BCAT1: variants seen among roughly 807,000 people sequenced by gnomAD.
BCAT1 encodes branched chain amino acid transaminase 1.
In BCAT1, 48 loss-of-function variants were observed where a neutral mutation model predicts 52.4. The ratio of observed to expected loss-of-function variants is 0.92; its 90% CI spans 0.73 to 1.16. The LOEUF is 1.16. Among genes scored for constraint, BCAT1 ranks in the 50% most tolerant of loss-of-function variants. The pLI is 0.00. For missense variants in BCAT1, 451 were observed against 457.1 expected (o/e 0.99, Z 0.12); for synonymous variants, 167 against 161.3 (o/e 1.04, Z -0.27).
chr12:24,849,942 A>G lies in BCAT1; in HGVS notation c.518T>C (p.Leu173Pro). 3 of 1,607,022 alleles carry G rather than the reference A, an allele frequency of 1.9e-6. No homozygotes were observed. The South Asian group carries it at 3.3e-5, about 18-fold the overall frequency. The change falls in exon 6 of 11, where the codon CTT (leucine) becomes CCT (proline). Residue 173 changes from leucine to proline, a missense_variant. Coordinates refer to ENST00000261192, the MANE Select transcript of BCAT1 (RefSeq NM_005504.7). ...RPTFIGTEPS[L>P]GVKKPTKALL... ...GGCTTTGGTAGGCTTCTTGACTCCAAGAGAAGGCTGCAACAAAGTAGAAGT... is the reference window on the plus strand; with the variant it reads ...GGCTTTGGTAGGCTTCTTGACTCCAGGAGAAGGCTGCAACAAAGTAGAAGT...
chr12:24,865,725 G>T (rs74397782), intron 5 of BCAT1, among the ~76,000 whole-genome samples: 2 of 151,892 alleles, frequency 1.3e-5, no homozygotes, highest in Non-Finnish European at 2.9e-5. Context: ...ACAATATAAC[G>T]GTTGATCAAC....
At position 24,814,793 on chromosome 12, in the gene BCAT1, C is replaced by T. The variant is rs985553167; in HGVS notation, c.*3215G>A. ...GCTTTCTTGCTACTGCCTGCCTCTG[C>T]CTCTGTTTGTTTTTTTTTTTTTTTT... On this transcript the variant is annotated 3_prime_UTR_variant, in exon 11 of 11. Coordinates refer to ENST00000261192, the MANE Select transcript of BCAT1 (RefSeq NM_005504.7). The T allele has an allele frequency of 5.2e-5, 7 of 133,834 alleles. No individual in the cohort carries two copies. Among genetic ancestry groups the T allele is most frequent in the African/African-American group, 1.6e-4 (6 of 37,324 alleles). 8.3% of individuals were successfully genotyped at this position (133,834 alleles called of 1,614,324 possible). A position where few individuals can be genotyped will look rare whatever the true frequency, so the allele number is the denominator to read the frequency against.
chr12:24,901,282 G>A (rs898764765), intron 2 of BCAT1, among the ~76,000 whole-genome samples: 3 of 152,204 alleles, frequency 2.0e-5, no homozygotes, highest in African/African-American at 7.2e-5. Context: ...CCACGAGGAG[G>A]GAGGGTAGGA....
At chr12:24,893,076 C>T (rs1237839919) in intron 3 of BCAT1, among the ~76,000 whole-genome samples, 1 of 152,122 alleles carries the variant, frequency 6.6e-6, no homozygotes, top group Non-Finnish European at 1.5e-5. Flanking sequence ...GAGTTAATTG[C>T]AAAAGCATCC....
intron 2 of BCAT1, among the ~76,000 whole-genome samples, chr12:24,900,654 C>A (rs1319917831): frequency 6.6e-6 from 1 of 152,218 alleles, no homozygotes; most frequent in East Asian, 1.9e-4. Flanking sequence ...GCAAAGAATT[C>A]TTCAGGCTAG....
intron 1 of BCAT1, among the ~76,000 whole-genome samples, chr12:24,911,777 C>T (rs675368): frequency 6.6e-6 from 1 of 152,138 alleles, no homozygotes; most frequent in Non-Finnish European, 1.5e-5. Flanking sequence ...TGGCAAGCCT[C>T]TAGGTCATCT....
At chr12:24,917,010 A>C (rs146805354) in intron 1 of BCAT1, among the ~76,000 whole-genome samples, 52 of 152,314 alleles carry the variant, frequency 3.4e-4, no homozygotes, top group African/African-American at 1.3e-3. Context: ...ATAGCTCAAA[A>C]GAAAAAAAAT....
intron 6 of BCAT1, among the ~76,000 whole-genome samples, chr12:24,847,946 G>A (rs1941394208): frequency 1.3e-5 from 2 of 152,202 alleles, no homozygotes; most frequent in Non-Finnish European, 2.9e-5. Context: ...AACTCAACAG[G>A]ATAATATTAA....
chr12:24,880,526 A>G (rs1942462741), intron 4 of BCAT1, among the ~76,000 whole-genome samples: 1 of 152,212 alleles, frequency 6.6e-6, no homozygotes, highest in East Asian at 1.9e-4. Context: ...CCACGATTCA[A>G]TGGCCATGAG....
rs1408567019 is a variant in BCAT1 at position 24,811,375 on chromosome 12, GT to G, written c.*6632del. The G allele has an allele frequency of 6.6e-6, 1 of 152,150 alleles. No individual in the cohort carries two copies. The highest frequency in any genetic ancestry group is 1.5e-5 in the Non-Finnish European group (1 of 68,010). The allele number at this position is 152,150 out of a possible 1,614,324, so 9.4% of individuals were successfully genotyped here. ...GAAACCACACAAACAGGATTCTTTT[GT>G]TTTATTGATAACAGAAACTGTGCAT... On this transcript the variant is annotated 3_prime_UTR_variant, in exon 11 of 11. Coordinates refer to ENST00000261192, the MANE Select transcript of BCAT1 (RefSeq NM_005504.7).
At chr12:24,902,851 C>A in intron 1 of BCAT1, 1 of 1,473,052 alleles carries the variant, frequency 6.8e-7, no homozygotes. Flanking sequence ...GAGGATGGTG[C>A]AGGAAACGGC....
intron 1 of BCAT1, among the ~76,000 whole-genome samples, chr12:24,948,432 C>A (rs2139775964): frequency 6.6e-6 from 1 of 152,298 alleles, no homozygotes; most frequent in South Asian, 2.1e-4. Flanking sequence ...TAAGAGGGGC[C>A]TTCTGCTTTT....
chr12:24,926,149 GTC>G (rs912207639), intron 1 of BCAT1, among the ~76,000 whole-genome samples: 1 of 145,348 alleles, frequency 6.9e-6, no homozygotes, highest in African/African-American at 2.6e-5. Context: ...AGTGAGGAGC[GTC>G]TCTGCCCGGC....
chr12:24,927,651 A>G (rs1328591041), intron 1 of BCAT1, among the ~76,000 whole-genome samples: 2 of 152,210 alleles, frequency 1.3e-5, no homozygotes, highest in Non-Finnish European at 2.9e-5. Flanking sequence ...GATTAGAAAG[A>G]ACTGAAACTG....
intron 2 of BCAT1, among the ~76,000 whole-genome samples, chr12:24,895,619 A>C (rs1300196859): frequency 6.6e-6 from 1 of 152,144 alleles, no homozygotes; most frequent in Non-Finnish European, 1.5e-5. Flanking sequence ...AAACAGGGGC[A>C]AGTTCAACCT....
At position 24,813,830 on chromosome 12, in the gene BCAT1, T is replaced by A. The variant is rs182615733; in HGVS notation, c.*4178A>T. On this transcript the variant is annotated 3_prime_UTR_variant, in exon 11 of 11. Coordinates refer to ENST00000261192, the MANE Select transcript of BCAT1 (RefSeq NM_005504.7). Reference sequence around the variant, plus strand: ...CCTTCTTTGCTTATGATCTAACTATTCAGCTATCTAACTATGCTTTTATAG... The same window carrying A: ...CCTTCTTTGCTTATGATCTAACTATACAGCTATCTAACTATGCTTTTATAG... 6.6e-5 allele frequency: 10 copies of A among 152,246 alleles called. No individual in the cohort carries two copies. Among genetic ancestry groups the A allele is most frequent in the African/African-American group, 2.2e-4 (9 of 41,560 alleles). 9.4% of individuals were successfully genotyped at this position (152,246 alleles called of 1,614,324 possible).
intron 3 of BCAT1, among the ~76,000 whole-genome samples, chr12:24,893,113 G>A (rs1942884659): frequency 6.6e-6 from 1 of 152,058 alleles, no homozygotes; most frequent in Non-Finnish European, 1.5e-5. Flanking sequence ...TACATGTAGG[G>A]GCTATATAAC....
At chr12:24,877,620 C>A (rs536006984) in intron 5 of BCAT1, among the ~76,000 whole-genome samples, 1 of 152,166 alleles carries the variant, frequency 6.6e-6, no homozygotes, top group African/African-American at 2.4e-5. Context: ...GGAAGGGGAA[C>A]CTCCATTCTC....
rs1046357451 is a variant in BCAT1 at position 24,864,358 on chromosome 12, C to T, written c.510+14172G>A. On this transcript the variant is annotated intron_variant, in intron 5 of 10. Coordinates refer to ENST00000261192, the MANE Select transcript of BCAT1 (RefSeq NM_005504.7). ...AGACCACAAAGGATGCTAATATCTG[C>T]AATGAAGATATACCCAACAACCCCA... 1.2e-4 allele frequency among the ~76,000 whole-genome samples: 18 copies of T among 152,020 alleles called. 1 individual carries two copies. The highest frequency in any genetic ancestry group is 2.6e-4 in the Admixed American group (4 of 15,266).
Sources: gnomAD v4.1 joint callset for allele counts (sites outside exome capture counted in the v4.1 genomes callset) on GRCh38, gnomAD v4.1.1 for gene constraint, MANE v1.5 for transcripts, NCBI Gene and HGNC (gene_info 2026-07-23, HGNC 2026-07-21) for gene names.